The following TMEM63C variants were observed in gnomAD, a reference collection of about 807,000 sequenced individuals.
TMEM63C encodes the protein transmembrane protein 63C, also known as osmosensitive cation channel TMEM63C.
A neutral mutation model predicts 99.2 loss-of-function variants in TMEM63C; 32 were observed. That is an observed-to-expected ratio of 0.32 (90% confidence interval 0.24 to 0.43). TMEM63C has a LOEUF of 0.43. Ranked by LOEUF, TMEM63C falls within the 20% of genes least tolerant of loss-of-function variation. The probability of loss-of-function intolerance (pLI) is 1.00; values close to 1 mark genes in which losing one functional copy is unlikely to be tolerated. For synonymous variants in TMEM63C, 376 were observed against 397.9 expected, an observed-to-expected ratio of 0.94 and a Z score of 0.66; for missense variants, 826 against 1,053.0, an observed-to-expected ratio of 0.78 and a Z score of 2.98.
rs1594859009 is a variant in TMEM63C at position 77,221,821 on chromosome 14, C to T, written c.312+1734C>T. ...CTTTTCTCAGTTCACATCTTGCCTG[C>T]GTTCTCTGAAACGTCTGACCCTGTA... On this transcript the variant is annotated intron_variant, in intron 5 of 23. Transcript: ENST00000298351. Among the ~76,000 whole-genome samples, 3 of 151,434 alleles carry T rather than the reference C, an allele frequency of 2.0e-5. No individual in the cohort carries two copies. The South Asian group carries it at 6.3e-4, about 32-fold the overall frequency.
intron 5 of TMEM63C, 150 bp from the exon 6 acceptor site, chr14:77,225,274 C>A: frequency 1.8e-6 from 1 of 544,414 alleles, no homozygotes; most frequent in Non-Finnish European, 3.1e-6. Flanking sequence ...ACCACTGGTT[C>A]CCAGCTGAGC....
chr14:77,240,954 T>TC (rs1889164027), intron 13 of TMEM63C, among the ~76,000 whole-genome samples: 1 of 142,244 alleles, frequency 7.0e-6, no homozygotes, highest in African/African-American at 2.6e-5. Context: ...TTTCTTTTTT[T>TC]TTTTTTTTCT....
chr14:77,249,499 C>A (rs1457615673), intron 21 of TMEM63C, 41 bp downstream of exon 21: 3 of 1,604,888 alleles, frequency 1.9e-6, no homozygotes, highest in Admixed American at 1.7e-5. Context: ...CTCCACCTGC[C>A]CCACTGTTCT....
At chr14:77,234,912 G>C (rs1053606823) in intron 8 of TMEM63C, among the ~76,000 whole-genome samples, 1 of 152,206 alleles carries the variant, frequency 6.6e-6, no homozygotes, top group Non-Finnish European at 1.5e-5. Context: ...AGCCACAGCA[G>C]TTGGCAGGAT....
chr14:77,245,681 C>T (rs1889258534), intron 16 of TMEM63C, among the ~76,000 whole-genome samples: 1 of 152,172 alleles, frequency 6.6e-6, no homozygotes, highest in East Asian at 1.9e-4. Context: ...GAAACTCCCC[C>T]TTGTAATACC....
chr14:77,210,339 C>T (rs1449730056), intron 1 of TMEM63C, among the ~76,000 whole-genome samples: 2 of 152,198 alleles, frequency 1.3e-5, no homozygotes, highest in Admixed American at 6.5e-5. Context: ...TATCCCCAAT[C>T]CACCACTTTC....
At chr14:77,213,114 T>C (rs1182940158) in intron 1 of TMEM63C, among the ~76,000 whole-genome samples, 1 of 152,236 alleles carries the variant, frequency 6.6e-6, no homozygotes, top group Non-Finnish European at 1.5e-5. Context: ...CAAAACGTTA[T>C]ATTCAGCCTT....
rs1371500147 is a variant in TMEM63C, at chr14:77,219,557, T to C, written c.210T>C (p.Ala70=). Residue 70 remains alanine (A), a synonymous_variant, in exon 4 of 24, where the codon GCT becomes GCC. Transcript: ENST00000298351. Reference sequence around the variant, plus strand: ...CTGCGTGGGACTATGGGCGCCTGGCTCTGCTGATACACAATGACAGGTGAG... The same window carrying C: ...CTGCGTGGGACTATGGGCGCCTGGCCCTGCTGATACACAATGACAGGTGAG... ...RKAAWDYGRL[A]LLIHNDSLTS... 6.2e-6 allele frequency: 10 copies of C among 1,613,974 alleles called. No individual in the cohort carries two copies. Among genetic ancestry groups the C allele is most frequent in the Non-Finnish European group, 8.5e-6 (10 of 1,179,888 alleles).
intron 2 of TMEM63C, among the ~76,000 whole-genome samples, chr14:77,217,356 A>C (rs1247280889): frequency 6.6e-6 from 1 of 152,138 alleles, no homozygotes; most frequent in Non-Finnish European, 1.5e-5. Flanking sequence ...CTCAGTGAGG[A>C]ATTCCCTAAT....
Position 77,245,905 on chromosome 14 carries a change from C to T in TMEM63C, c.1449-35C>T, listed in dbSNP as rs775350403. 15 of 1,523,728 alleles carry T rather than the reference C, an allele frequency of 9.8e-6. 1 individual carries two copies. The highest frequency in any genetic ancestry group is 2.7e-5 in the African/African-American group (2 of 73,008). The allele number at this position is 1,523,728 out of a possible 1,614,324, so 94.4% of individuals were successfully genotyped here. On this transcript the variant is annotated intron_variant, in intron 16 of 23. Coordinates refer to ENST00000298351, the MANE Select transcript of TMEM63C (RefSeq NM_020431.4). ...TAGGCCTTTGGTTCTTATTAGGCCA[C>T]GTCCATTGATGAATATCTCTCTGTT...
intron 6 of TMEM63C, among the ~76,000 whole-genome samples, chr14:77,230,529 C>A (rs392877): frequency 2.0e-5 from 3 of 152,052 alleles, no homozygotes; most frequent in East Asian, 1.9e-4. Flanking sequence ...GAACCTGGCC[C>A]CGCAGCAGGA....
intron 6 of TMEM63C, among the ~76,000 whole-genome samples, 190 bp from the exon 7 acceptor site, chr14:77,231,398 C>T (rs1888936476): frequency 6.6e-6 from 1 of 151,552 alleles, no homozygotes; most frequent in Non-Finnish European, 1.5e-5. Context: ...AAGTATACTT[C>T]AAGGATAACC....
At chr14:77,234,116 G>A (rs392548) in intron 8 of TMEM63C, among the ~76,000 whole-genome samples, 9,093 of 152,220 alleles carry the variant, frequency 0.06, 390 homozygotes, top group Admixed American at 0.1. Context: ...AATTTGCCCC[G>A]AGCCAAATGT....
chr14:77,244,095 A>C (rs1217158564), intron 15 of TMEM63C, among the ~76,000 whole-genome samples: 1 of 151,950 alleles, frequency 6.6e-6, no homozygotes, highest in Non-Finnish European at 1.5e-5. Flanking sequence ...CTCTGGCCTT[A>C]GGAGGAAGTC....
intron 23 of TMEM63C, among the ~76,000 whole-genome samples, chr14:77,254,027 G>A (rs1047144744): frequency 6.6e-6 from 1 of 152,240 alleles, no homozygotes; most frequent in Admixed American, 6.5e-5. Context: ...CAGGGCTCCT[G>A]GGAGGAGCTC....
intron 7 of TMEM63C, among the ~76,000 whole-genome samples, chr14:77,232,805 C>T (rs1266300867): frequency 1.3e-5 from 2 of 152,136 alleles, no homozygotes; most frequent in Admixed American, 6.6e-5. Context: ...AGAATAGCAC[C>T]GTAAATGCCC....
At chr14:77,244,285 A>C (rs903715093) in intron 15 of TMEM63C, 64 bp from the exon 16 acceptor site, 2 of 1,259,328 alleles carry the variant, frequency 1.6e-6, no homozygotes, top group Non-Finnish European at 2.3e-6. Context: ...GGAGGAGAAG[A>C]AGCAAGGGGA....
chr14:77,217,691 G>A (rs957412799), intron 2 of TMEM63C, among the ~76,000 whole-genome samples: 4 of 152,220 alleles, frequency 2.6e-5, no homozygotes, highest in African/African-American at 9.7e-5. Flanking sequence ...CCATGCCTGA[G>A]GAATGTGATG....
intron 16 of TMEM63C, among the ~76,000 whole-genome samples, chr14:77,245,172 G>A (rs1361321488): frequency 6.6e-6 from 1 of 152,226 alleles, no homozygotes; most frequent in Non-Finnish European, 1.5e-5. Context: ...GACTGAAACT[G>A]CAGGGATTTT....
Sources: gnomAD v4.1 joint callset for allele counts (sites outside exome capture counted in the v4.1 genomes callset) on GRCh38, gnomAD v4.1.1 for gene constraint, MANE v1.5 for transcripts, NCBI Gene and HGNC (gene_info 2026-07-23, HGNC 2026-07-21) for gene names.